The following IL1RAPL2 variants were observed in gnomAD, a reference collection of about 807,000 sequenced individuals.
The protein encoded by IL1RAPL2 is interleukin 1 receptor accessory protein like 2.
A neutral mutation model predicts 44.1 loss-of-function variants in IL1RAPL2; 3 were observed. That is an observed-to-expected ratio of 0.07 (90% CI 0.03 to 0.18). The LOEUF is 0.18. Ranked by LOEUF, IL1RAPL2 falls within the 10% of genes least tolerant of loss-of-function variation. The probability of loss-of-function intolerance (pLI) is 1.00; values close to 1 mark genes in which losing one functional copy is unlikely to be tolerated. For synonymous variants in IL1RAPL2, 181 were observed against 178.8 expected (o/e 1.01, Z -0.10); for missense variants, 391 against 496.4 (o/e 0.79, Z 2.02).
At chrX:105,337,334 G>A (rs902657748) in intron 5 of IL1RAPL2, among the ~76,000 whole-genome samples, 2 of 112,443 alleles carry the variant, frequency 1.8e-5, no homozygotes, top group Non-Finnish European at 3.8e-5. Flanking sequence ...AGTTTTTCAT[G>A]TGATGAGAGA....
chrX:105,028,879 A>C (rs950781974), intron 2 of IL1RAPL2, among the ~76,000 whole-genome samples: 2 of 111,056 alleles, frequency 1.8e-5, no homozygotes, highest in African/African-American at 6.5e-5. Flanking sequence ...CATTCAATTT[A>C]TATATATGAG....
At chrX:104,956,495 T>TGTGTGTGTGTGTGTGTGTG (rs1556020850) in intron 2 of IL1RAPL2, among the ~76,000 whole-genome samples, 4 of 108,550 alleles carry the variant, frequency 3.7e-5, no homozygotes, top group East Asian at 2.9e-4. Context: ...TGTGTGTGTG[T>TGTGTGTGTGTGTGTGTGTG]TATGCCGGGC....
chrX:104,947,180 G>T (rs1217943795), intron 2 of IL1RAPL2, among the ~76,000 whole-genome samples: 81 of 111,955 alleles, frequency 7.2e-4, no homozygotes, highest in Non-Finnish European at 1.1e-3. Context: ...TGATGAGCAT[G>T]TTTTCATGTG....
intron 7 of IL1RAPL2, among the ~76,000 whole-genome samples, chrX:105,729,449 T>C (rs1211398610): frequency 9.0e-6 from 1 of 111,448 alleles, no homozygotes; most frequent in Non-Finnish European, 1.9e-5. Context: ...TAATGACATA[T>C]GACATTGAGC....
chrX:105,586,084 T>A (rs1250725572), intron 6 of IL1RAPL2, among the ~76,000 whole-genome samples: 1 of 111,495 alleles, frequency 9.0e-6, no homozygotes, highest in Non-Finnish European at 1.9e-5. Context: ...TGGGAGAAAA[T>A]TTTTGCATTC....
intron 2 of IL1RAPL2, among the ~76,000 whole-genome samples, chrX:104,869,202 A>G (rs1385140835): frequency 1.8e-5 from 2 of 110,387 alleles, no homozygotes; most frequent in East Asian, 5.7e-4. Context: ...TTTTACTTTT[A>G]TTTTTTATTT....
At chrX:105,324,069 A>G (rs1227331854) in intron 5 of IL1RAPL2, among the ~76,000 whole-genome samples, 1 of 111,951 alleles carries the variant, frequency 8.9e-6, no homozygotes, top group African/African-American at 3.2e-5. Flanking sequence ...CAAAGATTGT[A>G]ACGTGATACA....
chrX:105,051,669 CAGAA>C (rs2031927797), intron 2 of IL1RAPL2, among the ~76,000 whole-genome samples: 1 of 113,083 alleles, frequency 8.8e-6, no homozygotes, highest in African/African-American at 3.2e-5. Flanking sequence ...TGCCCTAACT[CAGAA>C]AGGGCGGGCC....
chrX:105,239,816 G>A (rs2034154525), intron 4 of IL1RAPL2, among the ~76,000 whole-genome samples: 1 of 111,447 alleles, frequency 9.0e-6, no homozygotes, highest in Non-Finnish European at 1.9e-5. Context: ...TTGTGAAGGG[G>A]TTGATTGTCT....
chrX:105,030,620 C>T (rs59536189), intron 2 of IL1RAPL2, among the ~76,000 whole-genome samples: 7,829 of 111,501 alleles, frequency 0.07, 694 homozygotes, highest in African/African-American at 0.24. Context: ...TGTTTTGGTA[C>T]CAGTACCATG....
chrX:105,164,306 G>C (rs1045344109), intron 2 of IL1RAPL2, among the ~76,000 whole-genome samples: 1 of 111,541 alleles, frequency 9.0e-6, no homozygotes, highest in Non-Finnish European at 1.9e-5. Context: ...AATGTGTTGA[G>C]AGTGACCAAT....
chrX:105,500,373 T>A (rs749411645), intron 6 of IL1RAPL2, among the ~76,000 whole-genome samples: 2 of 110,756 alleles, frequency 1.8e-5, no homozygotes, highest in South Asian at 7.6e-4. Context: ...TACAAAACAG[T>A]TGGTGAGAAG....
At chrX:105,407,029 T>TC (rs936780575) in intron 5 of IL1RAPL2, 15 of 913,080 alleles carry the variant, frequency 1.6e-5, no homozygotes, top group Non-Finnish European at 2.2e-5. Context: ...ACTACACATG[T>TC]CACAAAGTGT....
intron 1 of IL1RAPL2, among the ~76,000 whole-genome samples, chrX:104,626,407 G>GT (rs1295952985): frequency 9.1e-6 from 1 of 109,670 alleles, no homozygotes; most frequent in East Asian, 2.8e-4. Flanking sequence ...CAGATGGTTT[G>GT]TTTTTTATTT....
chrX:105,182,029 T>C (rs2147605734), intron 2 of IL1RAPL2, among the ~76,000 whole-genome samples: 1 of 102,317 alleles, frequency 9.8e-6, no homozygotes, highest in South Asian at 4.6e-4. Flanking sequence ...ATTGCGCCAC[T>C]GCACTCCAGC....
chrX:105,322,705 C>T (rs1228570616), intron 5 of IL1RAPL2, among the ~76,000 whole-genome samples: 2 of 111,950 alleles, frequency 1.8e-5, no homozygotes, highest in African/African-American at 6.5e-5. Context: ...GGTTTCGCCT[C>T]ATTGGGTCAG....
At chrX:105,069,556 G>C (rs1290526085) in intron 2 of IL1RAPL2, among the ~76,000 whole-genome samples, 1 of 111,891 alleles carries the variant, frequency 8.9e-6, no homozygotes, top group Non-Finnish European at 1.9e-5. Context: ...GGGAATTCTA[G>C]AAATTCTAGA....
intron 5 of IL1RAPL2, among the ~76,000 whole-genome samples, chrX:105,441,888 A>G (rs1156343856): frequency 9.1e-6 from 1 of 110,380 alleles, no homozygotes; most frequent in African/African-American, 3.3e-5. Context: ...ACCTCATCAT[A>G]CCATGTCTGA....
intron 5 of IL1RAPL2, among the ~76,000 whole-genome samples, chrX:105,460,414 C>T (rs1310081700): frequency 2.7e-5 from 3 of 110,382 alleles, no homozygotes; most frequent in African/African-American, 9.9e-5. Context: ...TCCTTCTCCC[C>T]ATTCTTTTCT....
Sources: gnomAD v4.1 joint callset for allele counts (sites outside exome capture counted in the v4.1 genomes callset) on GRCh38, gnomAD v4.1.1 for gene constraint, MANE v1.5 for transcripts, NCBI Gene and HGNC (gene_info 2026-07-23, HGNC 2026-07-21) for gene names.